The following EFR3A variants were observed in gnomAD, a reference collection of about 807,000 sequenced individuals.
EFR3A encodes the protein protein EFR3 homolog A.
EFR3A carries 76 observed loss-of-function variants against 104.4 expected under a neutral mutation model. The observed-to-expected ratio is 0.73, with a 90% CI of 0.60 to 0.88. The LOEUF is 0.88. Ranked by LOEUF, EFR3A falls within the 40% of genes least tolerant of loss-of-function variation. The pLI is 0.00. For synonymous variants in EFR3A, 330 were observed against 330.0 expected (o/e 1.00, Z 0.00); for missense variants, 985 against 1,012.5 (o/e 0.97, Z 0.37).
intron 9 of EFR3A, among the ~76,000 whole-genome samples, chr8:131,969,939 T>G (rs1034306861): frequency 6.6e-6 from 1 of 152,090 alleles, no homozygotes; most frequent in Admixed American, 6.5e-5. Context: ...ACAGAAGCAG[T>G]GATAGAAACA....
rs117199953 is a variant in EFR3A, at chr8:131,915,510, C to T, written c.10+11188C>T. ...AGAATACAGAGGTGAATAAAGCAGT[C>T]CCTAGCTTCAAAAAGTTTACCTTAT... On this transcript the variant is annotated intron_variant, in intron 1 of 22. Coordinates refer to ENST00000254624, the MANE Select transcript of EFR3A (RefSeq NM_015137.6). Among the ~76,000 whole-genome samples the T allele has an allele frequency of 6.5e-3, 995 of 152,220 alleles. 8 individuals are homozygous for T. The highest frequency in any genetic ancestry group is 9.0e-3 in the Non-Finnish European group (615 of 68,006).
rs111431568 is a variant in EFR3A, at chr8:131,971,572, C to G, written c.1159+929C>G. On this transcript the variant is annotated intron_variant, in intron 10 of 22. Transcript: ENST00000254624. ...GCGAGGTGGCGGGCACCTGTAGTCCCAGCTACGCGGGAGGCTGAGGCAGGA... is the reference window on the plus strand; with the variant it reads ...GCGAGGTGGCGGGCACCTGTAGTCCGAGCTACGCGGGAGGCTGAGGCAGGA... Among the ~76,000 whole-genome samples, 888 of 151,952 alleles carry G rather than the reference C, an allele frequency of 5.8e-3. 10 individuals carry two copies. The highest frequency in any genetic ancestry group is 0.02 in the African/African-American group (847 of 41,428).
At chr8:131,907,542 GTAA>G (rs1417951542) in intron 1 of EFR3A, among the ~76,000 whole-genome samples, 1 of 152,180 alleles carries the variant, frequency 6.6e-6, no homozygotes, top group Admixed American at 6.5e-5. Context: ...TTCTTAGGCT[GTAA>G]TAATAATATG....
chr8:131,935,476 T>C (rs964890996), intron 1 of EFR3A: 3 of 447,394 alleles, frequency 6.7e-6, no homozygotes, highest in South Asian at 1.6e-5. Flanking sequence ...AGGACCAAAA[T>C]CCAGTAATCG....
chr8:131,979,872 C>T (rs1459229573), intron 14 of EFR3A, among the ~76,000 whole-genome samples: 1 of 152,116 alleles, frequency 6.6e-6, no homozygotes, highest in Non-Finnish European at 1.5e-5. Context: ...TGGGCAGGAT[C>T]TCTGCCCCAA....
rs375187803 is a variant in EFR3A, at chr8:131,962,647, C to G, written c.855+2984C>G. Among the ~76,000 whole-genome samples the G allele has an allele frequency of 9.2e-5, 14 of 152,192 alleles. No homozygotes were observed. In the East Asian group the frequency reaches 9.7e-4, roughly 11 times the overall value. On this transcript the variant is annotated intron_variant, in intron 8 of 22. Coordinates refer to ENST00000254624, the MANE Select transcript of EFR3A (RefSeq NM_015137.6). ...ACCCCACTGTCAACATTAGACAGAT[C>G]AATGAGACAGAAAGTTAACAAGGAT...
Position 131,985,073 on chromosome 8 carries a change from G to GA in EFR3A, c.1869+17dup. 1 of 1,603,292 alleles carries GA rather than the reference G, an allele frequency of 6.2e-7. No individual in the cohort carries two copies. ...GCATGTTAGCAAGGTAATGTATTTA[G>GA]AAAAGTCCTTAAACTTGAATTTTGT... On this transcript the variant is annotated intron_variant, in intron 16 of 22. Transcript: ENST00000254624.
At chr8:132,001,958 C>T (rs530999918) in intron 20 of EFR3A, among the ~76,000 whole-genome samples, 151 bp downstream of exon 20, 1 of 152,278 alleles carries the variant, frequency 6.6e-6, no homozygotes, top group South Asian at 2.1e-4. Context: ...TATTTAGCTA[C>T]ATGTTTTAGG....
Position 132,011,069 on chromosome 8 carries a change from T to A in EFR3A, c.*174T>A. 7.9e-7 allele frequency: 1 copy of A among 1,261,126 alleles called. No individual in the cohort carries two copies. The highest frequency in any genetic ancestry group is 1.0e-6 in the Non-Finnish European group (1 of 997,656). 78.1% of individuals were successfully genotyped at this position (1,261,126 alleles called of 1,614,324 possible). The stretch of plus-strand genomic sequence containing the variant: ...AGAAGTTTTGGAGCTATATATAATT[T>A]CGAGTACTTTCAAAGATAGATTTAT... On this transcript the variant is annotated 3_prime_UTR_variant, in exon 23 of 23. Transcript: ENST00000254624.
chr8:131,992,687 G>A (rs902186176), intron 18 of EFR3A, among the ~76,000 whole-genome samples: 5 of 152,154 alleles, frequency 3.3e-5, no homozygotes, highest in Non-Finnish European at 5.9e-5. Flanking sequence ...AATCTCTGTA[G>A]TGAAGAGGAT....
intron 11 of EFR3A, 81 bp downstream of exon 11, chr8:131,976,222 G>GA: frequency 1.1e-6 from 1 of 913,852 alleles, no homozygotes; most frequent in South Asian, 1.6e-5. Context: ...TTAACGTTTT[G>GA]TTTTTTTTTA....
In EFR3A at chr8:131,946,539, A is replaced by C; in HGVS notation, c.272A>C (p.Gln91Pro). ...CAACTTCTCATGGCTTGCCATTCTC[A>C]AAGCATTAAGCCATTTGTAGAAAGC... ...LDQLLMACHS[Q>P]SIKPFVESFL... Residue 91 changes from glutamine to proline, a missense_variant, in exon 4 of 23, where the codon CAA becomes CCA. Transcript: ENST00000254624. 6.2e-7 allele frequency: 1 copy of C among 1,608,206 alleles called. No homozygotes were observed. The highest frequency in any genetic ancestry group is 8.5e-7 in the Non-Finnish European group (1 of 1,177,224).
chr8:131,987,747 G>A, intron 18 of EFR3A, 45 bp downstream of exon 18: 1 of 1,533,752 alleles, frequency 6.5e-7, no homozygotes, highest in Non-Finnish European at 8.8e-7. Context: ...GATTGCTTAT[G>A]TTATAGTAAA....
In EFR3A at chr8:131,942,088, G is replaced by A. The variant is rs373065649; in HGVS notation, c.87+1513G>A. Among the ~76,000 whole-genome samples, 96 of 152,158 alleles carry A rather than the reference G, an allele frequency of 6.3e-4. 1 individual carries two copies. The South Asian group carries it at 0.02, about 31-fold the overall frequency. ...GATTTTAGAGGATTGTGAATGACAA[G>A]GAAGGCCTCTACTATAGTCACTTTA... On this transcript the variant is annotated intron_variant, in intron 2 of 22. Coordinates refer to ENST00000254624, the MANE Select transcript of EFR3A (RefSeq NM_015137.6).
intron 17 of EFR3A, among the ~76,000 whole-genome samples, chr8:131,986,684 C>T (rs1490970255): frequency 6.6e-6 from 1 of 151,078 alleles, no homozygotes; most frequent in African/African-American, 2.4e-5. Context: ...ACTCAGGAGG[C>T]TGAGGCTGGA....
intron 1 of EFR3A, among the ~76,000 whole-genome samples, chr8:131,928,607 C>T (rs1467365577): frequency 6.6e-6 from 1 of 151,944 alleles, no homozygotes; most frequent in African/African-American, 2.4e-5. Flanking sequence ...TCTCCTTTTT[C>T]CATGTCAGAT....
At chr8:131,927,309 G>T (rs971286321) in intron 1 of EFR3A, among the ~76,000 whole-genome samples, 2 of 152,150 alleles carry the variant, frequency 1.3e-5, no homozygotes, top group East Asian at 3.9e-4. Context: ...GTTTGCCACT[G>T]CCTTTTTTTG....
chr8:131,977,041 G>A lies in EFR3A; in HGVS notation c.1275G>A (p.Gly425=). 1.3e-6 allele frequency: 2 copies of A among 1,595,180 alleles called. No individual in the cohort carries two copies. Among genetic ancestry groups the A allele is most frequent in the Non-Finnish European group, 1.7e-6 (2 of 1,169,234 alleles). Residue 425 remains glycine, a splice_region_variant and synonymous_variant, in exon 12 of 23, where the codon GGG becomes GGA. Coordinates refer to ENST00000254624, the MANE Select transcript of EFR3A (RefSeq NM_015137.6). ...STHTLDISQL[G]DLGTRRIQIM... ...TAATTCAGCCTTTTGTATATTTTAG[G>A]GATTTGGGAACCAGGAGAATTCAGA...
Position 132,011,329 on chromosome 8 carries a change from A to G in EFR3A, c.*434A>G. On this transcript the variant is annotated 3_prime_UTR_variant, in exon 23 of 23. Transcript: ENST00000254624. ...TTTCTGCAAAGGCAGATACATTTAAATATATTCCTAGTCCTGGGACTGCAA... is the reference window on the plus strand; with the variant it reads ...TTTCTGCAAAGGCAGATACATTTAAGTATATTCCTAGTCCTGGGACTGCAA... 1 of 987,380 alleles carries G rather than the reference A, an allele frequency of 1.0e-6. No homozygotes were observed. Among genetic ancestry groups the G allele is most frequent in the Non-Finnish European group, 1.2e-6 (1 of 831,078 alleles). The allele number at this position is 987,380 out of a possible 1,614,324, so 61.2% of individuals were successfully genotyped here.
Sources: gnomAD v4.1 joint callset for allele counts (sites outside exome capture counted in the v4.1 genomes callset) on GRCh38, gnomAD v4.1.1 for gene constraint, MANE v1.5 for transcripts, NCBI Gene and HGNC (gene_info 2026-07-23, HGNC 2026-07-21) for gene names.